Variants in CCDC150 observed in about 807,000 individuals in gnomAD.
CCDC150 encodes the protein coiled-coil domain-containing protein 150.
CCDC150 carries 151 observed loss-of-function variants against 156.5 expected under a neutral mutation model. The observed-to-expected ratio is 0.97, with a 90% CI of 0.85 to 1.10. CCDC150 has a LOEUF of 1.10. Ranked by LOEUF, CCDC150 falls within the 50% of genes least tolerant of loss-of-function variation. The pLI, the probability that CCDC150 is intolerant of heterozygous loss-of-function variation, is 0.00. For synonymous variants in CCDC150, 452 were observed against 429.4 expected (o/e 1.05, Z -0.65); for missense variants, 1,312 against 1,268.1 (o/e 1.03, Z -0.53).
chr2:196,673,287 A>G (rs1694314755), intron 9 of CCDC150, among the ~76,000 whole-genome samples: 1 of 152,214 alleles, frequency 6.6e-6, no homozygotes, highest in Non-Finnish European at 1.5e-5. Context: ...GCTGATGTAC[A>G]GAGAAGTTCA....
chr2:196,655,834 T>A (rs536783138), intron 2 of CCDC150, among the ~76,000 whole-genome samples: 4 of 152,074 alleles, frequency 2.6e-5, no homozygotes, highest in African/African-American at 4.8e-5. Flanking sequence ...GGAAAAACTT[T>A]TTCCAGGAGG....
chr2:196,668,728 T>C (rs1199193095), intron 7 of CCDC150, among the ~76,000 whole-genome samples: 1 of 152,208 alleles, frequency 6.6e-6, no homozygotes, highest in Non-Finnish European at 1.5e-5. Flanking sequence ...TATACAGATT[T>C]ATAGTACTTA....
At chr2:196,700,113 A>C (rs947797443) in intron 14 of CCDC150, among the ~76,000 whole-genome samples, 2 of 152,250 alleles carry the variant, frequency 1.3e-5, no homozygotes, top group African/African-American at 4.8e-5. Flanking sequence ...CCTAAAAGGC[A>C]CTCTGTTCTG....
At chr2:196,721,226 T>G (rs1697863523) in intron 20 of CCDC150, among the ~76,000 whole-genome samples, 2 of 149,768 alleles carry the variant, frequency 1.3e-5, no homozygotes, top group South Asian at 4.3e-4. Flanking sequence ...TTTAAAAAAT[T>G]AGGATAAATT....
chr2:196,731,650 G>A (rs1047617466), intron 26 of CCDC150, among the ~76,000 whole-genome samples: 2 of 151,968 alleles, frequency 1.3e-5, no homozygotes, highest in Non-Finnish European at 2.9e-5. Flanking sequence ...CTCCCAAAGT[G>A]CTGTGATTCC....
At position 196,729,373 on chromosome 2, in the gene CCDC150, A is replaced by T. The variant is rs764223250; in HGVS notation, c.2737A>T (p.Ile913Leu). ...LSAKANNAQN[I>L]ERMKQIEKEL... is the part of the protein sequence containing the mutation. ...AGCTAAGGCGAATAATGCTCAGAAT[A>T]TAGAAAGGATGAAGGTTGTATGGGA... The change falls in exon 23 of 28, where the codon ATA (isoleucine) becomes TTA (leucine). Residue 913 changes from isoleucine to leucine, a missense_variant. Transcript: ENST00000389175. 6.2e-7 allele frequency: 1 copy of T among 1,613,936 alleles called. No homozygotes were observed. Among genetic ancestry groups the T allele is most frequent in the African/African-American group, 1.3e-5 (1 of 75,056 alleles).
Position 196,665,559 on chromosome 2 carries a change from C to G in CCDC150, c.646-8C>G. ...TTGGTCTTGCCTAACTGCAGTGTTG[C>G]TTTGTAGCTAAGGAGACAACTGGCT... On this transcript the variant is annotated splice_polypyrimidine_tract_variant and splice_region_variant and intron_variant, in intron 5 of 27. Coordinates refer to ENST00000389175, the MANE Select transcript of CCDC150 (RefSeq NM_001080539.2). The G allele has an allele frequency of 5.8e-6, 9 of 1,561,418 alleles. No individual in the cohort carries two copies. The highest frequency in any genetic ancestry group is 7.0e-6 in the Non-Finnish European group (8 of 1,143,722).
intron 15 of CCDC150, among the ~76,000 whole-genome samples, chr2:196,710,168 C>G (rs1696999078): frequency 6.6e-6 from 1 of 152,212 alleles, no homozygotes; most frequent in African/African-American, 2.4e-5. Flanking sequence ...GGGCTCTGCC[C>G]AGTTCGAGCT....
At chr2:196,710,299 G>A (rs1240872400) in intron 15 of CCDC150, among the ~76,000 whole-genome samples, 2 of 152,260 alleles carry the variant, frequency 1.3e-5, no homozygotes, top group South Asian at 2.1e-4. Flanking sequence ...CATAGGACCC[G>A]CCAAGCCAGG....
chr2:196,732,372 TAG>T, intron 27 of CCDC150, 72 bp from the exon 28 acceptor site: 1 of 1,223,272 alleles, frequency 8.2e-7, no homozygotes, highest in East Asian at 2.3e-5. Flanking sequence ...ATGACATGTG[TAG>T]AGGCAAAACA....
chr2:196,706,540 C>G (rs922978271), intron 15 of CCDC150, among the ~76,000 whole-genome samples: 5 of 152,184 alleles, frequency 3.3e-5, no homozygotes, highest in Admixed American at 2.0e-4. Flanking sequence ...CTAGAACTTA[C>G]AATACTATGT....
At position 196,674,261 on chromosome 2, in the gene CCDC150, TA is replaced by T. The variant is rs36060491; in HGVS notation, c.1055del (p.Lys352SerfsTer5). ...CTTAGGTTTTGAATGACCAATTGACTAAAAAGTGTTCAGAGTTGAGCTGCAT... is the reference window on the plus strand; with the variant it reads ...CTTAGGTTTTGAATGACCAATTGACTAAAAGTGTTCAGAGTTGAGCTGCAT... ...KAQVLNDQLT[K>X]KCSELSCMLQ... On this transcript the variant is annotated frameshift_variant, in exon 10 of 28. Transcript: ENST00000389175. LOFTEE classifies it high-confidence loss of function. 2 of 1,599,620 alleles carry T rather than the reference TA, an allele frequency of 1.3e-6. No homozygotes were observed. Among genetic ancestry groups the T allele is most frequent in the Non-Finnish European group, 1.7e-6 (2 of 1,172,376 alleles).
At chr2:196,649,307 A>T (rs1039447034) in intron 2 of CCDC150, among the ~76,000 whole-genome samples, 7 of 152,190 alleles carry the variant, frequency 4.6e-5, no homozygotes, top group Non-Finnish European at 1.0e-4. Flanking sequence ...GCACATAAGG[A>T]CATTTCAGTC....
rs190268270 is a variant in CCDC150 at position 196,686,356 on chromosome 2, G to A, written c.1510-8690G>A. On this transcript the variant is annotated intron_variant, in intron 13 of 27. Coordinates refer to ENST00000389175, the MANE Select transcript of CCDC150 (RefSeq NM_001080539.2). Reference sequence around the variant, plus strand: ...GATTATTGTAGCTTTATAATAAATCGTGAAATTAGGTAGAGTCCTCCAACG... The same window carrying A: ...GATTATTGTAGCTTTATAATAAATCATGAAATTAGGTAGAGTCCTCCAACG... 377 of 153,156 alleles carry A rather than the reference G, an allele frequency of 2.5e-3. 3 individuals carry two copies. The highest frequency in any genetic ancestry group is 3.5e-3 in the Non-Finnish European group (241 of 68,408). The allele number at this position is 153,156 out of a possible 1,614,324, so 9.5% of individuals were successfully genotyped here.
chr2:196,722,287 T>C (rs1697965131), intron 21 of CCDC150, among the ~76,000 whole-genome samples: 3 of 152,176 alleles, frequency 2.0e-5, no homozygotes, highest in Admixed American at 1.3e-4. Context: ...TATTTATTTA[T>C]TTATCTGAGA....
At chr2:196,692,578 A>G (rs1219129763) in intron 13 of CCDC150, among the ~76,000 whole-genome samples, 1 of 152,182 alleles carries the variant, frequency 6.6e-6, no homozygotes, top group Non-Finnish European at 1.5e-5. Flanking sequence ...TAATTTCATT[A>G]CTTACCCAGG....
intron 15 of CCDC150, among the ~76,000 whole-genome samples, chr2:196,711,610 C>A (rs1177643023): frequency 6.6e-6 from 1 of 152,160 alleles, no homozygotes; most frequent in African/African-American, 2.4e-5. Context: ...TGAGTATCAT[C>A]TTTATGAATT....
chr2:196,705,111 T>A (rs1157823445), intron 15 of CCDC150, among the ~76,000 whole-genome samples: 2 of 152,238 alleles, frequency 1.3e-5, no homozygotes, highest in Admixed American at 1.3e-4. Context: ...TAGTTCTAGA[T>A]CCTTGAGGAA....
intron 15 of CCDC150, among the ~76,000 whole-genome samples, chr2:196,708,237 A>T (rs1439962155): frequency 2.0e-5 from 3 of 152,140 alleles, no homozygotes; most frequent in Non-Finnish European, 4.4e-5. Flanking sequence ...TTCTTGTTGA[A>T]TTGATCCCTT....
Sources: allele counts gnomAD v4.1 joint callset (sites outside exome capture counted in the v4.1 genomes callset), GRCh38; gene constraint gnomAD v4.1.1; transcripts MANE v1.5; gene names NCBI Gene and HGNC (gene_info 2026-07-23, HGNC 2026-07-21).